The following CYP3A4 variants were observed in gnomAD, a reference collection of about 807,000 sequenced individuals.
CYP3A4 encodes cytochrome P450 3A4.
A neutral mutation model predicts 54.9 loss-of-function variants in CYP3A4; 41 were observed. That is an observed-to-expected ratio of 0.75 (90% CI 0.58 to 0.97). CYP3A4 has a LOEUF of 0.97. CYP3A4 is among the 50% of genes least tolerant of loss of function. CYP3A4 has a pLI of 0.00. For synonymous variants in CYP3A4, 179 were observed against 205.2 expected (o/e 0.87, Z 1.09); for missense variants, 510 against 597.3 (o/e 0.85, Z 1.52).
At chr7:99,763,749 G>A in intron 10 of CYP3A4, 106 bp downstream of exon 10, 1 of 1,398,110 alleles carries the variant, frequency 7.2e-7, no homozygotes, top group Non-Finnish European at 9.7e-7. Flanking sequence ...GTCAGTGAAA[G>A]AATCAGTGAT....
In CYP3A4 at chr7:99,762,088, G is replaced by A. The variant is rs200710508; in HGVS notation, c.1206C>T (p.His402=). 2 of 1,614,070 alleles carry A rather than the reference G, an allele frequency of 1.2e-6. No individual in the cohort carries two copies. The highest frequency in any genetic ancestry group is 1.7e-6 in the Non-Finnish European group (2 of 1,179,988). ...VVVMIPSYAL[H]RDPKYWTEPE... is the part of the protein sequence containing the mutation. The stretch of plus-strand genomic sequence containing the variant: ...GCTCTGTCCAGTACTTTGGGTCACG[G>A]TGAAGAGCATAGCTTGGAATCATCA... The change falls in exon 11 of 13, where the codon CAC becomes CAT. Residue 402 remains histidine (H), a synonymous_variant. Transcript: ENST00000651514.
chr7:99,760,793 A>T lies in CYP3A4; in HGVS notation c.1416+26T>A, dbSNP rs1276509523. On this transcript the variant is annotated intron_variant, in intron 12 of 12. Transcript: ENST00000651514. Reference sequence around the variant, plus strand: ...CAGTTAAAAGAATTATTAATACAACATTATTTTTATAGAAAATTGACTAAC... The same window carrying T: ...CAGTTAAAAGAATTATTAATACAACTTTATTTTTATAGAAAATTGACTAAC... 4 of 1,610,876 alleles carry T rather than the reference A, an allele frequency of 2.5e-6. No individual in the cohort carries two copies. The African/African-American group carries it at 5.3e-5, about 22-fold the overall frequency.
intron 7 of CYP3A4, 88 bp from the exon 8 acceptor site, chr7:99,767,346 A>G: frequency 8.4e-7 from 1 of 1,187,312 alleles, no homozygotes; most frequent in East Asian, 2.5e-5. Context: ...TTCTCTACCA[A>G]CCAGAAGAGT....
chr7:99,762,351 G>C (rs1273214370), intron 10 of CYP3A4, 84 bp from the exon 11 acceptor site: 2 of 1,513,828 alleles, frequency 1.3e-6, no homozygotes, highest in African/African-American at 1.4e-5. Flanking sequence ...TGAAGTATTA[G>C]GAGCTCCAGA....
chr7:99,782,347 C>A (rs983148295), intron 1 of CYP3A4, among the ~76,000 whole-genome samples: 3 of 152,136 alleles, frequency 2.0e-5, no homozygotes, highest in Non-Finnish European at 4.4e-5. Context: ...TAGAGTAATG[C>A]TGCTTTTGGT....
intron 6 of CYP3A4, 37 bp downstream of exon 6, chr7:99,769,731 T>C: frequency 6.2e-7 from 1 of 1,611,416 alleles, no homozygotes; most frequent in Non-Finnish European, 8.5e-7. Flanking sequence ...GAGGGGTTCA[T>C]GACAGCTCAG....
At chr7:99,764,801 G>A (rs1333885426) in intron 9 of CYP3A4, among the ~76,000 whole-genome samples, 1 of 152,188 alleles carries the variant, frequency 6.6e-6, no homozygotes, top group Non-Finnish European at 1.5e-5. Flanking sequence ...CAAAAAGCTA[G>A]ATGAGTGGTA....
rs372755437 is a variant in CYP3A4, at chr7:99,768,383, T to C, written c.641A>G (p.Asp214Gly). Residue 214 changes from aspartate (D) to glycine (G), a missense_variant, in exon 7 of 13, where the codon GAT (aspartate) becomes GGT (glycine). Physicochemically the swap from Asp to Gly is moderately conservative, Grantham distance 94 (BLOSUM62 -1). Coordinates refer to ENST00000651514, the MANE Select transcript of CYP3A4 (RefSeq NM_017460.6). The part of the protein sequence containing the change: ...VENTKKLLRF[D>G]FLDPFFLSIT... Reference sequence around the variant, plus strand: ...TGAGAGAAAGAATGGATCCAAAAAATCAAATCTTAAAAGCTTCTTGGTGTT... The same window carrying C: ...TGAGAGAAAGAATGGATCCAAAAAACCAAATCTTAAAAGCTTCTTGGTGTT... 2 of 1,613,820 alleles carry C rather than the reference T, an allele frequency of 1.2e-6. No homozygotes were observed. The highest frequency in any genetic ancestry group is 2.7e-5 in the African/African-American group (2 of 74,906).
rs1263184572 is a variant in CYP3A4 at position 99,780,003 on chromosome 7, AC to A, written c.153del (p.Leu51PhefsTer39). 4 of 1,613,176 alleles carry A rather than the reference AC, an allele frequency of 2.5e-6. No individual in the cohort carries two copies. The African/African-American group carries it at 4.0e-5, about 16-fold the overall frequency. On this transcript the variant is annotated frameshift_variant, in exon 2 of 13. Transcript: ENST00000651514. LOFTEE classifies it high-confidence loss of function. The stretch of plus-strand genomic sequence containing the variant: ...TCAAAAACACTCACCTTATGGTAGG[AC>A]AAAATATTTCCCAAAAAAGGCAGAG... ...PTPLPFLGNI[L>X]SYHKGFCMFD...
chr7:99,777,002 A>G (rs1287349340), intron 3 of CYP3A4, among the ~76,000 whole-genome samples: 1 of 152,190 alleles, frequency 6.6e-6, no homozygotes, highest in Non-Finnish European at 1.5e-5. Flanking sequence ...TAATAACAAA[A>G]CAGAATGAAA....
At chr7:99,783,542 A>G (rs955052492) in intron 1 of CYP3A4, among the ~76,000 whole-genome samples, 1 of 151,894 alleles carries the variant, frequency 6.6e-6, no homozygotes, top group African/African-American at 2.4e-5. Flanking sequence ...AGAGCTGCAT[A>G]AGATCTACAA....
chr7:99,783,637 C>T (rs1815983936), intron 1 of CYP3A4, among the ~76,000 whole-genome samples: 1 of 141,952 alleles, frequency 7.0e-6, no homozygotes, highest in African/African-American at 2.6e-5. Flanking sequence ...TTGAGACAGC[C>T]TCACTCTGTC....
intron 12 of CYP3A4, among the ~76,000 whole-genome samples, chr7:99,759,620 A>G (rs1584538956): frequency 2.0e-5 from 3 of 152,308 alleles, no homozygotes; most frequent in Admixed American, 2.0e-4. Flanking sequence ...GGATATTGTT[A>G]ATGGAGGGGG....
chr7:99,774,601 C>G (rs1454285446), intron 3 of CYP3A4, among the ~76,000 whole-genome samples: 1 of 151,882 alleles, frequency 6.6e-6, no homozygotes, highest in Admixed American at 6.6e-5. Context: ...CACATAATTA[C>G]CTCAATAGAT....
chr7:99,758,398 G>A (rs1218619680), intron 12 of CYP3A4, among the ~76,000 whole-genome samples, 170 bp from the exon 13 acceptor site: 2 of 152,090 alleles, frequency 1.3e-5, no homozygotes, highest in Admixed American at 1.3e-4. Context: ...ATAATGCTTT[G>A]TAAACATATA....
intron 2 of CYP3A4, 74 bp downstream of exon 2, chr7:99,779,918 A>C (rs1264433840): frequency 4.3e-6 from 6 of 1,398,446 alleles, no homozygotes; most frequent in Non-Finnish European, 6.0e-6. Flanking sequence ...CCTGAGGAGA[A>C]GCATTTTTAC....
intron 3 of CYP3A4, 106 bp from the exon 4 acceptor site, chr7:99,772,795 T>C (rs1433419858): frequency 8.6e-7 from 1 of 1,159,696 alleles, no homozygotes; most frequent in African/African-American, 1.5e-5. Flanking sequence ...AATCCCTTAG[T>C]TGTACAATAC....
At chr7:99,759,574 C>T (rs1191243321) in intron 12 of CYP3A4, among the ~76,000 whole-genome samples, 1 of 152,122 alleles carries the variant, frequency 6.6e-6, no homozygotes, top group Admixed American at 6.5e-5. Context: ...CCTTGCAAGG[C>T]ACCACTGGGA....
At chr7:99,760,519 A>G (rs1815291294) in intron 12 of CYP3A4, among the ~76,000 whole-genome samples, 1 of 152,180 alleles carries the variant, frequency 6.6e-6, no homozygotes, top group African/African-American at 2.4e-5. Context: ...GACTGTGCAA[A>G]ATACTTCCCC....
Sources: gnomAD v4.1 joint callset for allele counts (sites outside exome capture counted in the v4.1 genomes callset) on GRCh38, gnomAD v4.1.1 for gene constraint, MANE v1.5 for transcripts, NCBI Gene and HGNC (gene_info 2026-07-23, HGNC 2026-07-21) for gene names.